The following ROBO1 variants were observed in gnomAD, a reference collection of about 807,000 sequenced individuals.
The protein encoded by ROBO1 is roundabout homolog 1.
ROBO1 carries 149 observed loss-of-function variants against 195.9 expected under a neutral mutation model. The observed-to-expected ratio is 0.76, with a 90% confidence interval of 0.67 to 0.87. The LOEUF (loss-of-function observed/expected upper bound fraction) is 0.87, where lower values mean the gene tolerates loss of function less well. ROBO1 is among the 40% of genes least tolerant of loss of function. The pLI is 0.00. For missense variants in ROBO1, 1,933 were observed against 2,068.3 expected, an observed-to-expected ratio of 0.93 and a Z score of 1.27; for synonymous variants, 816 against 733.2, an observed-to-expected ratio of 1.11 and a Z score of -1.82.
chr3:78,975,748 T>TA (rs1368861112), intron 3 of ROBO1, among the ~76,000 whole-genome samples: 4 of 152,156 alleles, frequency 2.6e-5, no homozygotes, highest in African/African-American at 9.7e-5. Flanking sequence ...TGTGATTACA[T>TA]AAGCACTGAA....
chr3:78,765,561 A>G (rs921487808), intron 4 of ROBO1, among the ~76,000 whole-genome samples: 1 of 152,154 alleles, frequency 6.6e-6, no homozygotes, highest in Non-Finnish European at 1.5e-5. Context: ...TAGGAGATAC[A>G]CTGCCCACAA....
chr3:79,139,579 G>C (rs1006041433), intron 2 of ROBO1, among the ~76,000 whole-genome samples: 1 of 152,156 alleles, frequency 6.6e-6, no homozygotes, highest in East Asian at 1.9e-4. Context: ...CCAATTGTCC[G>C]GTTGAGGTCT....
chr3:78,836,094 G>A (rs978778809), intron 4 of ROBO1, among the ~76,000 whole-genome samples: 4 of 152,120 alleles, frequency 2.6e-5, no homozygotes, highest in African/African-American at 7.2e-5. Context: ...GACAGAATAT[G>A]CCTAATGGTA....
chr3:79,447,511 ACT>A (rs2039301849), intron 2 of ROBO1, among the ~76,000 whole-genome samples: 1 of 152,032 alleles, frequency 6.6e-6, no homozygotes, highest in Non-Finnish European at 1.5e-5. Flanking sequence ...AACGAAACAA[ACT>A]CTTTCGCCTT....
chr3:79,175,330 G>C (rs1315834718), intron 2 of ROBO1, among the ~76,000 whole-genome samples: 3 of 152,008 alleles, frequency 2.0e-5, no homozygotes, highest in African/African-American at 7.3e-5. Flanking sequence ...TTTTTTAATA[G>C]AAATGGGGTC....
At chr3:78,773,341 T>A (rs574791845) in intron 4 of ROBO1, among the ~76,000 whole-genome samples, 1 of 152,246 alleles carries the variant, frequency 6.6e-6, no homozygotes, top group African/African-American at 2.4e-5. Flanking sequence ...ACATAAGGAA[T>A]GCATTGTTAT....
At chr3:79,307,987 C>A (rs1218614746) in intron 2 of ROBO1, among the ~76,000 whole-genome samples, 1 of 152,110 alleles carries the variant, frequency 6.6e-6, no homozygotes. Flanking sequence ...CATTGAGTGT[C>A]CTGCTTATAG....
At chr3:79,105,617 G>A (rs1052661444) in intron 3 of ROBO1, among the ~76,000 whole-genome samples, 4 of 151,686 alleles carry the variant, frequency 2.6e-5, no homozygotes, top group Non-Finnish European at 5.9e-5. Flanking sequence ...ATAGAGAAAG[G>A]AAGCATGCTA....
chr3:78,880,108 G>A (rs1209900844), intron 4 of ROBO1, among the ~76,000 whole-genome samples: 2 of 152,038 alleles, frequency 1.3e-5, no homozygotes, highest in Non-Finnish European at 2.9e-5. Context: ...TAATGAAACT[G>A]AGTTCATATA....
chr3:78,871,563 G>A (rs984136852), intron 4 of ROBO1, among the ~76,000 whole-genome samples: 1 of 151,854 alleles, frequency 6.6e-6, no homozygotes, highest in South Asian at 2.1e-4. Flanking sequence ...ATTTTACTAT[G>A]GATCTGATAA....
At chr3:79,300,828 C>T (rs1034856953) in intron 2 of ROBO1, among the ~76,000 whole-genome samples, 3 of 152,156 alleles carry the variant, frequency 2.0e-5, no homozygotes, top group Admixed American at 1.3e-4. Flanking sequence ...CCAATCGACA[C>T]TCTGTAGCTA....
At chr3:78,923,736 C>T (rs1405272883) in intron 4 of ROBO1, among the ~76,000 whole-genome samples, 5 of 152,014 alleles carry the variant, frequency 3.3e-5, no homozygotes, top group Admixed American at 3.3e-4. Context: ...TGGCCTCTAC[C>T]CTTCCAGGAG....
intron 2 of ROBO1, among the ~76,000 whole-genome samples, chr3:79,486,283 C>T (rs1939156602): frequency 6.6e-6 from 1 of 150,920 alleles, no homozygotes; most frequent in Non-Finnish European, 1.5e-5. Context: ...CAATTTTGAT[C>T]TCCTTGTGGT....
chr3:79,160,300 G>T (rs1037631439), intron 2 of ROBO1, among the ~76,000 whole-genome samples: 2 of 151,224 alleles, frequency 1.3e-5, no homozygotes, highest in African/African-American at 2.4e-5. Context: ...TTTCAATAAG[G>T]TCTGTTAATT....
intron 4 of ROBO1, among the ~76,000 whole-genome samples, chr3:78,788,489 A>AGTATTG (rs533025105): frequency 1.7e-4 from 25 of 146,356 alleles, no homozygotes; most frequent in Non-Finnish European, 3.0e-4. Context: ...TAGAATATTC[A>AGTATTG]GTATTGCCAA....
intron 10 of ROBO1, among the ~76,000 whole-genome samples, chr3:78,676,577 G>A (rs9863589): frequency 0.25 from 38,600 of 151,988 alleles, 5,080 homozygotes; most frequent in African/African-American, 0.32. Context: ...GGGTATCAGT[G>A]ATGGAAGATG....
chr3:79,682,166 A>C (rs1219512956), intron 1 of ROBO1, among the ~76,000 whole-genome samples: 2 of 152,046 alleles, frequency 1.3e-5, no homozygotes, highest in African/African-American at 2.4e-5. Context: ...GGGCATATAG[A>C]ATAAATAATA....
intron 2 of ROBO1, among the ~76,000 whole-genome samples, chr3:79,465,800 T>C (rs534938757): frequency 3.9e-5 from 6 of 152,264 alleles, no homozygotes; most frequent in Admixed American, 2.6e-4. Flanking sequence ...GTTAAACTCC[T>C]GGAATGTTTC....
intron 1 of ROBO1, among the ~76,000 whole-genome samples, chr3:79,705,613 G>A (rs372322828): frequency 3.8e-4 from 58 of 151,990 alleles, no homozygotes; most frequent in East Asian, 1.2e-3. Context: ...TTTGGATAGC[G>A]TCAATCCCCC....
Sources: gnomAD v4.1 joint callset for allele counts (sites outside exome capture counted in the v4.1 genomes callset) on GRCh38, gnomAD v4.1.1 for gene constraint, MANE v1.5 for transcripts, NCBI Gene and HGNC (gene_info 2026-07-23, HGNC 2026-07-21) for gene names.